Variants in ASXL1 observed in about 807,000 individuals in gnomAD.
ASXL1 encodes ASXL transcriptional regulator 1.
ASXL1 carries 65 observed loss-of-function variants against 89.1 expected under a neutral mutation model. That is an observed-to-expected ratio of 0.73 (90% CI 0.60 to 0.90). The LOEUF is 0.90. Among genes scored for constraint, ASXL1 ranks in the 40% least tolerant of loss-of-function variants. The probability of loss-of-function intolerance (pLI) is 0.00; values close to 1 mark genes in which losing one functional copy is unlikely to be tolerated. For missense variants in ASXL1, 1,786 were observed against 1,942.9 expected (o/e 0.92, Z 1.52); for synonymous variants, 739 against 746.9 (o/e 0.99, Z 0.17).
At chr20:32,362,213 C>G (rs2048125607) in intron 1 of ASXL1, among the ~76,000 whole-genome samples, 1 of 152,230 alleles carries the variant, frequency 6.6e-6, no homozygotes, top group Non-Finnish European at 1.5e-5. Context: ...CACCTGAACA[C>G]TTCTCTTTGG....
chr20:32,374,165 A>G (rs2122869271), intron 4 of ASXL1, among the ~76,000 whole-genome samples: 1 of 151,892 alleles, frequency 6.6e-6, no homozygotes, highest in Non-Finnish European at 1.5e-5. Context: ...ATGCCACCAC[A>G]CCCAGCTAAT....
chr20:32,367,212 A>G (rs767671153), intron 2 of ASXL1, among the ~76,000 whole-genome samples: 2 of 152,156 alleles, frequency 1.3e-5, no homozygotes, highest in Non-Finnish European at 2.9e-5. Context: ...CCCCGTCTCT[A>G]CTAACAATAC....
intron 4 of ASXL1, among the ~76,000 whole-genome samples, chr20:32,394,697 G>C (rs1424959760): frequency 6.6e-6 from 1 of 151,976 alleles, no homozygotes; most frequent in Non-Finnish European, 1.5e-5. Flanking sequence ...TTTCATTTAA[G>C]TAGTCAATTT....
rs2012057344 is a variant in ASXL1 at position 32,438,578 on chromosome 20, C to T, written c.*1240C>T. ...CTGCCCACATGCCACCGAGCAAACG[C>T]ATCTTGCTTTTCACATCTCTCCTCC... On this transcript the variant is annotated 3_prime_UTR_variant, in exon 13 of 13. Coordinates refer to ENST00000375687, the MANE Select transcript of ASXL1 (RefSeq NM_015338.6). 4.3e-6 allele frequency: 1 copy of T among 233,678 alleles called. No homozygotes were observed. The highest frequency in any genetic ancestry group is 5.6e-5 in the Admixed American group (1 of 17,804). 14.5% of individuals were successfully genotyped at this position (233,678 alleles called of 1,614,324 possible).
chr20:32,359,931 G>C, intron 1 of ASXL1: 1 of 694,524 alleles, frequency 1.4e-6, no homozygotes, highest in Admixed American at 2.0e-5. Flanking sequence ...CGAGGTTGTG[G>C]TGCGGATAGC....
chr20:32,410,976 G>A (rs972541725), intron 4 of ASXL1, among the ~76,000 whole-genome samples: 19 of 141,014 alleles, frequency 1.3e-4, no homozygotes, highest in African/African-American at 4.9e-4. Context: ...AGGTTGCAGT[G>A]AGCTGAGATC....
intron 9 of ASXL1, 43 bp downstream of exon 9, chr20:32,431,527 T>C: frequency 6.2e-7 from 1 of 1,614,106 alleles, no homozygotes. Context: ...CTGGGTGGGC[T>C]TCTGTTCTCT....
chr20:32,433,014 T>C lies in ASXL1; in HGVS notation c.1085+29T>C, dbSNP rs774905502. 3 of 1,611,786 alleles carry C rather than the reference T, an allele frequency of 1.9e-6. No individual in the cohort carries two copies. In the African/African-American group the frequency reaches 4.0e-5, roughly 22 times the overall value. Reference sequence around the variant, plus strand: ...AGGCAGTTGGAGCTATGAGTCCTGGTCTGGGGTTTTGAGGGGATAGAGGTA... The same window carrying C: ...AGGCAGTTGGAGCTATGAGTCCTGGCCTGGGGTTTTGAGGGGATAGAGGTA... On this transcript the variant is annotated intron_variant, in intron 11 of 12. Transcript: ENST00000375687.
intron 3 of ASXL1, among the ~76,000 whole-genome samples, chr20:32,368,611 C>T (rs532049370): frequency 6.6e-6 from 1 of 152,176 alleles, no homozygotes; most frequent in Admixed American, 6.5e-5. Flanking sequence ...TATTCTGTGG[C>T]AGTTTCTGAG....
intron 4 of ASXL1, among the ~76,000 whole-genome samples, chr20:32,414,851 G>A (rs2049110620): frequency 6.6e-6 from 1 of 152,070 alleles, no homozygotes; most frequent in Non-Finnish European, 1.5e-5. Context: ...TTTTCCAGGA[G>A]GAGAAATCCT....
chr20:32,435,686 C>T lies in ASXL1; in HGVS notation c.2974C>T (p.Leu992=), dbSNP rs1454353987. 6.2e-7 allele frequency: 1 copy of T among 1,614,216 alleles called. No homozygotes were observed. Residue 992 remains leucine (L), a synonymous_variant, in exon 13 of 13, where the codon CTG becomes TTG. Transcript: ENST00000375687. ...KLKINGDSEA[L]SPHGESTDTA... ...GAAAATCAACGGAGACTCTGAAGCA[C>T]TGAGTCCTCACGGTGAGTCCACGGA...
chr20:32,370,695 A>G (rs1342256430), intron 4 of ASXL1, among the ~76,000 whole-genome samples: 6 of 152,212 alleles, frequency 3.9e-5, no homozygotes, highest in Non-Finnish European at 4.4e-5. Flanking sequence ...ACATGAAGCC[A>G]TAAAACTTGG....
At position 32,429,538 on chromosome 20, in the gene ASXL1, G is replaced by C. The variant is rs900805331; in HGVS notation, c.565+107G>C. The C allele has an allele frequency of 1.7e-6, 2 of 1,204,948 alleles. No homozygotes were observed. Among genetic ancestry groups the C allele is most frequent in the South Asian group, 1.3e-5 (1 of 79,714 alleles). The allele number at this position is 1,204,948 out of a possible 1,614,324, so 74.6% of individuals were successfully genotyped here. ...ATAGTGCGATACTAGGAGAGCTGTC[G>C]GGCCACAGGCAAGAGCCCTGCCAAT... is the stretch of plus-strand genomic sequence containing the variant. On this transcript the variant is annotated intron_variant, in intron 7 of 12. Coordinates refer to ENST00000375687, the MANE Select transcript of ASXL1 (RefSeq NM_015338.6). The surrounding 1 kb of genome is among the most constrained non-coding windows in gnomAD (Gnocchi z 4.9).
In ASXL1 at chr20:32,378,203, G is replaced by A. The variant is rs1367623898; in HGVS notation, c.252+9080G>A. 3.5e-5 allele frequency among the ~76,000 whole-genome samples: 4 copies of A among 114,510 alleles called. No homozygotes were observed. The East Asian group carries it at 7.8e-4, about 22-fold the overall frequency. The allele number at this position is 114,510 out of a possible 152,430, so 75.1% of individuals were successfully genotyped here. On this transcript the variant is annotated intron_variant, in intron 4 of 12. Coordinates refer to ENST00000375687, the MANE Select transcript of ASXL1 (RefSeq NM_015338.6). Reference sequence around the variant, plus strand: ...GTGTGTGTGTGTGTGTGTTTTAATAGAGATGGGGCTTTGCCATGTTGCCCA... The same window carrying A: ...GTGTGTGTGTGTGTGTGTTTTAATAAAGATGGGGCTTTGCCATGTTGCCCA...
chr20:32,417,506 T>G (rs997985944), intron 4 of ASXL1, among the ~76,000 whole-genome samples: 3 of 152,236 alleles, frequency 2.0e-5, no homozygotes, highest in Non-Finnish European at 2.9e-5. Context: ...GATTTCACAT[T>G]CAAGAGAACC....
chr20:32,416,450 A>G (rs1455437521), intron 4 of ASXL1, among the ~76,000 whole-genome samples: 1 of 152,214 alleles, frequency 6.6e-6, no homozygotes, highest in Non-Finnish European at 1.5e-5. Context: ...AGTAGCTACA[A>G]CCACTATCAT....
At chr20:32,386,397 CAAAA>C (rs1413386384) in intron 4 of ASXL1, among the ~76,000 whole-genome samples, 1 of 150,356 alleles carries the variant, frequency 6.7e-6, no homozygotes, top group Non-Finnish European at 1.5e-5. Context: ...TTTTTTTTCT[CAAAA>C]GAAAACAGTC....
intron 4 of ASXL1, among the ~76,000 whole-genome samples, chr20:32,393,549 C>G (rs1184602817): frequency 2.0e-5 from 3 of 151,914 alleles, no homozygotes; most frequent in Non-Finnish European, 4.4e-5. Context: ...TCAGCTCACT[C>G]CAACCTCCGT....
chr20:32,436,860 A>G lies in ASXL1; in HGVS notation c.4148A>G (p.Glu1383Gly). Reference protein sequence around the residue: ...FVGGPLKANAENRKATGHSPL... With the variant: ...FVGGPLKANAGNRKATGHSPL... ...GGGGGTCCTCTTAAGGCAAATGCCG[A>G]GAACAGGAAAGCTACTGGGCATAGT... The change falls in exon 13 of 13, where the codon GAG becomes GGG. Residue 1383 changes from glutamate to glycine, a missense_variant. Around this residue, in one of 3 missense-constraint regions of ASXL1, gnomAD observed 1,418 missense variants for 1,427.8 expected, o/e 0.99. Coordinates refer to ENST00000375687, the MANE Select transcript of ASXL1 (RefSeq NM_015338.6). 1 of 1,614,208 alleles carries G rather than the reference A, an allele frequency of 6.2e-7. No homozygotes were observed. Among genetic ancestry groups the G allele is most frequent in the Non-Finnish European group, 8.5e-7 (1 of 1,180,024 alleles).
Sources: allele counts gnomAD v4.1 joint callset (sites outside exome capture counted in the v4.1 genomes callset), GRCh38; gene constraint gnomAD v4.1.1; regional missense constraint gnomAD v4.1.1; non-coding constraint Gnocchi (gnomAD v3.1); transcripts MANE v1.5; gene names NCBI Gene and HGNC (gene_info 2026-07-23, HGNC 2026-07-21).